Variants in CPM observed in about 807,000 individuals in gnomAD.
CPM encodes the protein renal carboxypeptidase.
Under a neutral mutation model 46.4 loss-of-function variants are expected in CPM, and 35 were observed. The ratio of observed to expected loss-of-function variants is 0.75; its 90% CI spans 0.58 to 1.00. The LOEUF is 1.00. Among genes scored for constraint, CPM ranks in the 50% least tolerant of loss-of-function variants. The probability of loss-of-function intolerance (pLI) is 0.00; values close to 1 mark genes in which losing one functional copy is unlikely to be tolerated. For synonymous variants in CPM, 195 were observed against 195.3 expected, an observed-to-expected ratio of 1.00 and a Z score of 0.01; for missense variants, 422 against 530.4, an observed-to-expected ratio of 0.80 and a Z score of 2.01.
intron 2 of CPM, chr12:68,911,956 C>T (rs1435065504): frequency 6.6e-6 from 1 of 152,028 alleles, no homozygotes; most frequent in Non-Finnish European, 1.5e-5. Flanking sequence ...GTCTAATAGG[C>T]TTTCTGGTTT....
intron 1 of CPM, among the ~76,000 whole-genome samples, chr12:68,958,702 G>A (rs1889065007): frequency 6.6e-6 from 1 of 152,110 alleles, no homozygotes; most frequent in Admixed American, 6.5e-5. Context: ...CCAGAGGGGT[G>A]TTTTAAAACA....
chr12:68,888,374 C>T (rs1886520818), intron 2 of CPM, among the ~76,000 whole-genome samples: 1 of 152,096 alleles, frequency 6.6e-6, no homozygotes, highest in African/African-American at 2.4e-5. Flanking sequence ...CATAAGTGGT[C>T]CCTAAGTGAA....
At chr12:68,947,596 C>CA (rs908158713) in intron 1 of CPM, among the ~76,000 whole-genome samples, 1,699 of 120,962 alleles carry the variant, frequency 0.014, 18 homozygotes, top group Admixed American at 0.042. Context: ...GACTCTGTCT[C>CA]AAAAAAAAAA....
intron 3 of CPM, among the ~76,000 whole-genome samples, chr12:68,875,796 T>A (rs1175808445): frequency 3.6e-5 from 5 of 140,600 alleles, no homozygotes; most frequent in Admixed American, 2.1e-4. Flanking sequence ...ACAGCGAGAC[T>A]CTGTCTCAAA....
At chr12:68,891,467 T>C (rs1886650841) in intron 2 of CPM, among the ~76,000 whole-genome samples, 2 of 152,246 alleles carry the variant, frequency 1.3e-5, no homozygotes, top group South Asian at 2.1e-4. Context: ...TGCATTTTAT[T>C]ATTCACAGCT....
At chr12:68,858,880 T>C (rs769485859) in intron 8 of CPM, 43 bp downstream of exon 8, 2 of 1,240,188 alleles carry the variant, frequency 1.6e-6, no homozygotes, top group South Asian at 2.5e-5. Flanking sequence ...GTATTATGAG[T>C]TCTATAATAT....
chr12:68,887,242 T>C (rs1005410647), intron 2 of CPM, among the ~76,000 whole-genome samples: 1 of 152,348 alleles, frequency 6.6e-6, no homozygotes, highest in African/African-American at 2.4e-5. Context: ...ATATCCGTCA[T>C]GTATGTACAA....
rs200449803 is a variant in CPM, at chr12:68,871,862, C to T, written c.353G>A (p.Arg118Gln). Residue 118 changes from arginine (R) to glutamine (Q), a missense_variant, in exon 4 of 9, where the codon CGG becomes CAG. Arg to Gln is a conservative substitution (Grantham distance 43). Transcript: ENST00000551568. ...GTTCATGGAAGGCATGATGTGTATC[C>T]GGGTACTATTGATCAGATTTGTGAT... ...PEITNLINST[R>Q]IHIMPSMNPD... 1.1e-5 allele frequency: 17 copies of T among 1,614,008 alleles called. No individual in the cohort carries two copies. The highest frequency in any genetic ancestry group is 5.0e-5 in the Admixed American group (3 of 60,000).
In CPM at chr12:68,854,074, A is replaced by G. The variant is rs1391118597; in HGVS notation, c.*2363T>C. ...TAGTGCTGTTAGGAGGTAACATAAT[A>G]CCTTTACTACCAATCTTAGGATCAA... On this transcript the variant is annotated 3_prime_UTR_variant, in exon 9 of 9. Transcript: ENST00000551568. 1 of 152,168 alleles carries G rather than the reference A, an allele frequency of 6.6e-6. No individual in the cohort carries two copies. The highest frequency in any genetic ancestry group is 2.4e-5 in the African/African-American group (1 of 41,446). The allele number at this position is 152,168 out of a possible 1,614,324, so 9.4% of individuals were successfully genotyped here.
intron 2 of CPM, among the ~76,000 whole-genome samples, chr12:68,903,954 G>A (rs551822253): frequency 2.0e-5 from 3 of 151,646 alleles, no homozygotes; most frequent in African/African-American, 4.8e-5. Flanking sequence ...TGGTGTGAAC[G>A]TGGCTCACTG....
intron 1 of CPM, among the ~76,000 whole-genome samples, chr12:68,951,343 A>G (rs1888931877): frequency 6.6e-6 from 1 of 152,242 alleles, no homozygotes; most frequent in African/African-American, 2.4e-5. Flanking sequence ...TGACCTGATC[A>G]TGCTTAGGGT....
chr12:68,843,820 C>A (rs559295677), intron 5 of CPM: 3 of 219,018 alleles, frequency 1.4e-5, no homozygotes, highest in African/African-American at 4.5e-5. Flanking sequence ...AGCAGAATCT[C>A]TTTTTTTTGG....
At chr12:68,949,128 T>C (rs909166959) in intron 1 of CPM, among the ~76,000 whole-genome samples, 2 of 152,178 alleles carry the variant, frequency 1.3e-5, no homozygotes, top group African/African-American at 4.8e-5. Context: ...CCTAGCACTT[T>C]GGGAGGCTGA....
intron 3 of CPM, among the ~76,000 whole-genome samples, chr12:68,875,072 C>T (rs193141033): frequency 7.4e-4 from 113 of 152,130 alleles, no homozygotes; most frequent in Non-Finnish European, 1.3e-3. Context: ...AAGTTGAGGC[C>T]GGGCACGGTG....
In CPM at chr12:68,877,071, C is replaced by A. The variant is rs1262157729; in HGVS notation, c.259-5115G>T. Among the ~76,000 whole-genome samples, 4 of 152,296 alleles carry A rather than the reference C, an allele frequency of 2.6e-5. No individual in the cohort carries two copies. In the South Asian group the frequency reaches 8.3e-4, roughly 32 times the overall value. ...TTATAGATTTAAGTTATTTGTCTGACCTGCCTAGCTAATCCTTCTTCTTCA... is the reference window on the plus strand; with the variant it reads ...TTATAGATTTAAGTTATTTGTCTGAACTGCCTAGCTAATCCTTCTTCTTCA... On this transcript the variant is annotated intron_variant, in intron 3 of 8. Coordinates refer to ENST00000551568, the MANE Select transcript of CPM (RefSeq NM_198320.5).
At chr12:68,940,644 G>T (rs1007883075) in intron 1 of CPM, among the ~76,000 whole-genome samples, 2 of 151,314 alleles carry the variant, frequency 1.3e-5, no homozygotes, top group Admixed American at 6.6e-5. Flanking sequence ...ATTACCAAAT[G>T]GGGCTTTGGT....
intron 1 of CPM, among the ~76,000 whole-genome samples, chr12:68,962,945 A>T (rs779925224): frequency 1.4e-4 from 21 of 152,354 alleles, no homozygotes; most frequent in South Asian, 4.1e-4. Flanking sequence ...AAACCAATGT[A>T]CATCTTACAT....
intron 3 of CPM, among the ~76,000 whole-genome samples, chr12:68,884,082 C>G (rs913457769): frequency 5.1e-5 from 7 of 137,114 alleles, no homozygotes; most frequent in Non-Finnish European, 9.2e-5. Flanking sequence ...TGCACTCCAG[C>G]CTGGGAGACA....
At position 68,856,167 on chromosome 12, in the gene CPM, A is replaced by G; in HGVS notation, c.*270T>C. 1 of 390,486 alleles carries G rather than the reference A, an allele frequency of 2.6e-6. No homozygotes were observed. Among genetic ancestry groups the G allele is most frequent in the East Asian group, 4.1e-5 (1 of 24,154 alleles). 24.2% of individuals were successfully genotyped at this position (390,486 alleles called of 1,614,324 possible). On this transcript the variant is annotated 3_prime_UTR_variant, in exon 9 of 9. Coordinates refer to ENST00000551568, the MANE Select transcript of CPM (RefSeq NM_198320.5). The stretch of plus-strand genomic sequence containing the variant: ...CTTCTCAAGTTTTAACTTCTTACAC[A>G]TTTTAAGACTACTTCAAGATTAATT...
Sources: allele counts gnomAD v4.1 joint callset (sites outside exome capture counted in the v4.1 genomes callset), GRCh38; gene constraint gnomAD v4.1.1; transcripts MANE v1.5; gene names NCBI Gene and HGNC (gene_info 2026-07-23, HGNC 2026-07-21).